Variants in DSCAM observed in about 807,000 individuals in gnomAD.
DSCAM encodes the protein cell adhesion molecule DSCAM.
In DSCAM, 47 loss-of-function variants were observed where a neutral mutation model predicts 217.7. The observed-to-expected ratio is 0.22, with a 90% CI of 0.17 to 0.28. DSCAM has a LOEUF of 0.28. Among genes scored for constraint, DSCAM ranks in the 10% least tolerant of loss-of-function variants. The pLI, the probability that DSCAM is intolerant of heterozygous loss-of-function variation, is 1.00. For synonymous variants in DSCAM, 1,056 were observed against 1,015.3 expected, an observed-to-expected ratio of 1.04 and a Z score of -0.76; for missense variants, 2,080 against 2,618.3, an observed-to-expected ratio of 0.79 and a Z score of 4.49.
chr21:40,739,418 C>G (rs1253316710), intron 1 of DSCAM, among the ~76,000 whole-genome samples: 2 of 152,194 alleles, frequency 1.3e-5, no homozygotes, highest in Non-Finnish European at 2.9e-5. Context: ...GCTTAAACAA[C>G]TGAAATTTAG....
intron 3 of DSCAM, among the ~76,000 whole-genome samples, chr21:40,673,262 T>C (rs376470817): frequency 1.3e-4 from 19 of 145,260 alleles, no homozygotes; most frequent in South Asian, 1.2e-3. Flanking sequence ...GGTGTCTTGT[T>C]TTACGGTAGT....
chr21:40,404,988 TC>T (rs1322350404), intron 3 of DSCAM, among the ~76,000 whole-genome samples: 2 of 152,206 alleles, frequency 1.3e-5, no homozygotes, highest in African/African-American at 4.8e-5. Context: ...TTAATTTGCT[TC>T]AGTACAAAAT....
rs141594117 is a variant in DSCAM, at chr21:40,747,793, C to G, written c.44-39022G>C. ...AAAAGGAAGCTATAGGCCAATATTC[C>G]TGATGAATACAGATGCAAAAAATCC... On this transcript the variant is annotated intron_variant, in intron 1 of 32. Coordinates refer to ENST00000400454, the MANE Select transcript of DSCAM (RefSeq NM_001389.5). Among the ~76,000 whole-genome samples, 571 of 151,848 alleles carry G rather than the reference C, an allele frequency of 3.8e-3. 4 individuals are homozygous for G. The highest frequency in any genetic ancestry group is 0.012 in the African/African-American group (494 of 41,480).
intron 3 of DSCAM, among the ~76,000 whole-genome samples, chr21:40,553,359 C>T (rs904506443): frequency 6.6e-6 from 1 of 152,204 alleles, no homozygotes; most frequent in Non-Finnish European, 1.5e-5. Context: ...AACTCAATGA[C>T]AGTATGTCAT....
At chr21:40,040,208 A>C (rs781495223) in intron 32 of DSCAM, among the ~76,000 whole-genome samples, 1 of 152,250 alleles carries the variant, frequency 6.6e-6, no homozygotes, top group Non-Finnish European at 1.5e-5. Flanking sequence ...GCATTGATTT[A>C]AGAGATTATT....
chr21:40,476,510 A>G (rs867738323), intron 3 of DSCAM, among the ~76,000 whole-genome samples: 1 of 152,224 alleles, frequency 6.6e-6, no homozygotes, highest in South Asian at 2.1e-4. Flanking sequence ...CAAACATTTA[A>G]TAAGAGGTAT....
intron 3 of DSCAM, among the ~76,000 whole-genome samples, chr21:40,528,268 A>G (rs923747014): frequency 6.6e-6 from 1 of 152,166 alleles, no homozygotes; most frequent in Non-Finnish European, 1.5e-5. Context: ...CAAATAAGGC[A>G]TAAGAGACAC....
rs542353252 is a variant in DSCAM, at chr21:40,151,519, T to C, written c.3019-6788A>G. Among the ~76,000 whole-genome samples the C allele has an allele frequency of 3.3e-5, 5 of 152,264 alleles. No homozygotes were observed. In the East Asian group the frequency reaches 9.6e-4, roughly 29 times the overall value. On this transcript the variant is annotated intron_variant, in intron 16 of 32. Coordinates refer to ENST00000400454, the MANE Select transcript of DSCAM (RefSeq NM_001389.5). ...TGTCTAAATCGGGGCTTCAACACTGTGGATGTTCTCAGAAGATATTCTTGC... is the reference window on the plus strand; with the variant it reads ...TGTCTAAATCGGGGCTTCAACACTGCGGATGTTCTCAGAAGATATTCTTGC...
rs78962786 is a variant in DSCAM, at chr21:40,420,062, A to G, written c.509-50817T>C. ...ACTGATAATATAATAAAACAAAAAAATTAGGCACAAAGCAAAATACAGTAA... is the reference window on the plus strand; with the variant it reads ...ACTGATAATATAATAAAACAAAAAAGTTAGGCACAAAGCAAAATACAGTAA... On this transcript the variant is annotated intron_variant, in intron 3 of 32. Transcript: ENST00000400454. 3.2e-3 allele frequency among the ~76,000 whole-genome samples: 494 copies of G among 152,306 alleles called. 4 individuals are homozygous for G. The highest frequency in any genetic ancestry group is 0.011 in the African/African-American group (450 of 41,584).
chr21:40,366,209 T>C (rs577521051), intron 4 of DSCAM, among the ~76,000 whole-genome samples: 3 of 152,328 alleles, frequency 2.0e-5, no homozygotes, highest in African/African-American at 2.4e-5. Flanking sequence ...GAGACTTTTT[T>C]TGAATTAGTG....
intron 20 of DSCAM, among the ~76,000 whole-genome samples, chr21:40,094,801 C>G (rs1284858367): frequency 1.3e-5 from 2 of 152,202 alleles, no homozygotes; most frequent in African/African-American, 2.4e-5. Context: ...AATAACTTAA[C>G]TACATCCAAG....
intron 3 of DSCAM, among the ~76,000 whole-genome samples, chr21:40,420,980 A>T (rs927693968): frequency 5.3e-5 from 8 of 152,176 alleles, no homozygotes; most frequent in Non-Finnish European, 4.4e-5. Flanking sequence ...GTGATGGCAG[A>T]CCCAGCATAC....
rs141680813 is a variant in DSCAM, at chr21:40,399,707, G to C, written c.509-30462C>G. Among the ~76,000 whole-genome samples the C allele has an allele frequency of 7.6e-3, 1,163 of 152,218 alleles. 26 individuals carry two copies. The highest frequency in any genetic ancestry group is 0.023 in the African/African-American group (966 of 41,524). On this transcript the variant is annotated intron_variant, in intron 3 of 32. Coordinates refer to ENST00000400454, the MANE Select transcript of DSCAM (RefSeq NM_001389.5). ...GCTGCCACGGTTTCTGTTAGAAGCTGCTTATTCATTCATTCATTCATTTTT... is the reference window on the plus strand; with the variant it reads ...GCTGCCACGGTTTCTGTTAGAAGCTCCTTATTCATTCATTCATTCATTTTT...
chr21:40,518,556 ACACACACAC>A (rs2076332482), intron 3 of DSCAM, among the ~76,000 whole-genome samples: 1 of 81,032 alleles, frequency 1.2e-5, no homozygotes, highest in African/African-American at 6.4e-5. Context: ...ACACACATAT[ACACACACAC>A]ATATATACAT....
At chr21:40,826,908 T>A (rs1228853901) in intron 1 of DSCAM, among the ~76,000 whole-genome samples, 3 of 151,956 alleles carry the variant, frequency 2.0e-5, no homozygotes, top group Non-Finnish European at 4.4e-5. Context: ...GAGATACGAA[T>A]ATGGAAGTCA....
chr21:40,529,302 G>A (rs566332505), intron 3 of DSCAM, among the ~76,000 whole-genome samples: 10 of 152,280 alleles, frequency 6.6e-5, no homozygotes, highest in Non-Finnish European at 1.3e-4. Flanking sequence ...CCAGTGCTAA[G>A]AGGCGCTGGC....
intron 6 of DSCAM, among the ~76,000 whole-genome samples, chr21:40,341,577 T>C (rs2074491830): frequency 6.6e-6 from 1 of 152,230 alleles, no homozygotes; most frequent in Admixed American, 6.5e-5. Context: ...CCAAAATTCC[T>C]TAAGTGCTCC....
In DSCAM at chr21:40,401,488, C is replaced by A. The variant is rs553363449; in HGVS notation, c.509-32243G>T. Among the ~76,000 whole-genome samples the A allele has an allele frequency of 5.9e-5, 9 of 152,240 alleles. No individual in the cohort carries two copies. The East Asian group carries it at 1.7e-3, about 29-fold the overall frequency. On this transcript the variant is annotated intron_variant, in intron 3 of 32. Coordinates refer to ENST00000400454, the MANE Select transcript of DSCAM (RefSeq NM_001389.5). ...TTGGATCCCGCAGCCTTGACACCTG[C>A]TGAGACACCAGCAATTTTATCCACC... is the stretch of plus-strand genomic sequence containing the variant.
At chr21:40,254,877 A>C (rs1215132162) in intron 11 of DSCAM, among the ~76,000 whole-genome samples, 1 of 151,398 alleles carries the variant, frequency 6.6e-6, no homozygotes, top group Admixed American at 6.6e-5. Context: ...GCTTTCCCTT[A>C]TCTCTCACGT....
Sources: allele counts gnomAD v4.1 joint callset (sites outside exome capture counted in the v4.1 genomes callset), GRCh38; gene constraint gnomAD v4.1.1; transcripts MANE v1.5; gene names NCBI Gene and HGNC (gene_info 2026-07-23, HGNC 2026-07-21).